Variants in CHPT1 observed in about 807,000 individuals in gnomAD.
CHPT1 encodes cholinephosphotransferase 1.
Under a neutral mutation model 47.6 loss-of-function variants are expected in CHPT1, and 36 were observed. That is an observed-to-expected ratio of 0.76 (90% CI 0.58 to 1.00). The LOEUF is 1.00. Among genes scored for constraint, CHPT1 ranks in the 50% least tolerant of loss-of-function variants. The pLI, the probability that CHPT1 is intolerant of heterozygous loss-of-function variation, is 0.00. For synonymous variants in CHPT1, 194 were observed against 186.3 expected (o/e 1.04, Z -0.33); for missense variants, 458 against 498.1 (o/e 0.92, Z 0.77).
At chr12:101,728,285 C>T (rs1481269263) in intron 8 of CHPT1, 2 of 152,326 alleles carry the variant, frequency 1.3e-5, no homozygotes, top group African/African-American at 4.8e-5. Context: ...TATATATAAA[C>T]CATAAGAAAT....
At chr12:101,698,165 C>G (rs1951492722) in intron 1 of CHPT1, 31 bp downstream of exon 1, 3 of 1,406,782 alleles carry the variant, frequency 2.1e-6, no homozygotes, top group South Asian at 1.5e-5. Context: ...GAGCCGGGCC[C>G]CAGATGCGCT....
At chr12:101,721,475 A>G (rs1230439835) in intron 5 of CHPT1, among the ~76,000 whole-genome samples, 1 of 152,220 alleles carries the variant, frequency 6.6e-6, no homozygotes, top group African/African-American at 2.4e-5. Context: ...ACGTGTAAGT[A>G]GACTTTCGAG....
chr12:101,719,958 A>AT, intron 4 of CHPT1, 165 bp from the exon 5 acceptor site: 11 of 427,684 alleles, frequency 2.6e-5, no homozygotes, highest in Admixed American at 4.4e-5. Context: ...AAAAAGTTAA[A>AT]AAAAAGTTTT....
Position 101,723,700 on chromosome 12 carries a change from ATT to A in CHPT1, c.940-19_940-18del, listed in dbSNP as rs1364902385. ...ACATTTAAAACTTAATAGTAAAATT[ATT>A]TTGTTTAATTTTTTTATAGGTAGCT... On this transcript the variant is annotated intron_variant, in intron 6 of 8. Transcript: ENST00000229266. The A allele has an allele frequency of 2.5e-5, 34 of 1,387,466 alleles. No individual in the cohort carries two copies. The highest frequency in any genetic ancestry group is 4.5e-5 in the African/African-American group (3 of 67,184). 85.9% of individuals were successfully genotyped at this position (1,387,466 alleles called of 1,614,324 possible).
Position 101,723,217 on chromosome 12 carries a change from T to G in CHPT1, c.830T>G (p.Leu277Arg). 6.2e-7 allele frequency: 1 copy of G among 1,612,052 alleles called. No homozygotes were observed. The highest frequency in any genetic ancestry group is 1.1e-5 in the South Asian group (1 of 90,978). Reference sequence around the variant, plus strand: ...CTCCACATAGGACTAATTATTATACTGGCAATAATGATCTATAAAAAGTCA... The same window carrying G: ...CTCCACATAGGACTAATTATTATACGGGCAATAATGATCTATAAAAAGTCA... The part of the protein sequence containing the change: ...PGLHIGLIII[L>R]AIMIYKKSAT... The change falls in exon 6 of 9, where the codon CTG (leucine) becomes CGG (arginine). Residue 277 changes from leucine to arginine, a missense_variant. Coordinates refer to ENST00000229266, the MANE Select transcript of CHPT1 (RefSeq NM_020244.3).
chr12:101,727,054 T>A (rs948943255), intron 8 of CHPT1: 7 of 152,224 alleles, frequency 4.6e-5, no homozygotes, highest in African/African-American at 1.7e-4. Flanking sequence ...CGAATCTTTA[T>A]ACTGAAGGTA....
At chr12:101,715,142 C>T (rs1300175267) in intron 3 of CHPT1, 1 of 152,444 alleles carries the variant, frequency 6.6e-6, no homozygotes, top group African/African-American at 2.4e-5. Context: ...CTTGTAAATG[C>T]TAGTGCTAAA....
rs963657498 is a variant in CHPT1 at position 101,719,577 on chromosome 12, A to G, written c.649-546A>G. The G allele has an allele frequency of 7.0e-5, 82 of 1,169,262 alleles. No individual in the cohort carries two copies. In the East Asian group the frequency reaches 4.7e-3, roughly 67 times the overall value. The allele number at this position is 1,169,262 out of a possible 1,614,324, so 72.4% of individuals were successfully genotyped here. On this transcript the variant is annotated intron_variant, in intron 4 of 8. Coordinates refer to ENST00000229266, the MANE Select transcript of CHPT1 (RefSeq NM_020244.3). ...AACTACACAGATGTTTTGCTTGCATACACATCATGATATTTGTTACATTTA... is the reference window on the plus strand; with the variant it reads ...AACTACACAGATGTTTTGCTTGCATGCACATCATGATATTTGTTACATTTA...
chr12:101,713,276 C>G lies in CHPT1; in HGVS notation c.274-814C>G, dbSNP rs559023878. Reference sequence around the variant, plus strand: ...ACCTTCAACATTGCAGTGCTTCTCTCCCTGGCCTTTGTTAGTTTCATCTCA... The same window carrying G: ...ACCTTCAACATTGCAGTGCTTCTCTGCCTGGCCTTTGTTAGTTTCATCTCA... On this transcript the variant is annotated intron_variant, in intron 1 of 8. Coordinates refer to ENST00000229266, the MANE Select transcript of CHPT1 (RefSeq NM_020244.3). Among the ~76,000 whole-genome samples, 4 of 123,632 alleles carry G rather than the reference C, an allele frequency of 3.2e-5. 1 individual carries two copies. The highest frequency in any genetic ancestry group is 7.7e-5 in the Non-Finnish European group (4 of 51,978). 81.1% of individuals were successfully genotyped at this position (123,632 alleles called of 152,430 possible). A position where few individuals can be genotyped will look rare whatever the true frequency, so the allele number is the denominator to read the frequency against.
chr12:101,705,852 A>G (rs1951623859), intron 1 of CHPT1, among the ~76,000 whole-genome samples: 1 of 146,292 alleles, frequency 6.8e-6, no homozygotes, highest in African/African-American at 2.6e-5. Flanking sequence ...CAGCCTCCCA[A>G]GTAGCTGGGA....
At position 101,697,879 on chromosome 12, in the gene CHPT1, G is replaced by T; in HGVS notation, c.18G>T (p.Gly6=). The T allele has an allele frequency of 1.7e-6, 2 of 1,209,042 alleles. No homozygotes were observed. The highest frequency in any genetic ancestry group is 1.6e-5 in the African/African-American group (1 of 63,164). 74.9% of individuals were successfully genotyped at this position (1,209,042 alleles called of 1,614,324 possible). ...AGGCGGCCATGGCGGCAGGCGCCGGGGCCGGGTCCGCGCCGCGCTGGCTGA... is the reference window on the plus strand; with the variant it reads ...AGGCGGCCATGGCGGCAGGCGCCGGTGCCGGGTCCGCGCCGCGCTGGCTGA... MAAGA[G]AGSAPRWLRA... Residue 6 remains glycine, a synonymous_variant, in exon 1 of 9, where the codon GGG becomes GGT. Coordinates refer to ENST00000229266, the MANE Select transcript of CHPT1 (RefSeq NM_020244.3).
At chr12:101,720,054 GTTTC>G in intron 4 of CHPT1, 65 bp from the exon 5 acceptor site, 5 of 1,068,214 alleles carry the variant, frequency 4.7e-6, no homozygotes, top group Non-Finnish European at 6.7e-6. Flanking sequence ...TTATCATTAT[GTTTC>G]TTTATTATTT....
At chr12:101,728,812 G>A in intron 8 of CHPT1, 89 bp from the exon 9 acceptor site, 1 of 1,483,844 alleles carries the variant, frequency 6.7e-7, no homozygotes, top group Non-Finnish European at 9.3e-7. Flanking sequence ...AATGAAACAG[G>A]TTTATGATTA....
rs1038244796 is a variant in CHPT1 at position 101,698,142 on chromosome 12, T to G, written c.273+8T>G. 1.3e-5 allele frequency: 19 copies of G among 1,486,602 alleles called. No individual in the cohort carries two copies. Among genetic ancestry groups the G allele is most frequent in the Non-Finnish European group, 1.6e-5 (18 of 1,121,814 alleles). 92.1% of individuals were successfully genotyped at this position (1,486,602 alleles called of 1,614,324 possible). Reference sequence around the variant, plus strand: ...CCCACGGCCACCGAAGAGGTAGGGCTGGCCGATCGCCCGAGCCGGGCCCCA... The same window carrying G: ...CCCACGGCCACCGAAGAGGTAGGGCGGGCCGATCGCCCGAGCCGGGCCCCA... On this transcript the variant is annotated splice_region_variant and intron_variant, in intron 1 of 8. Coordinates refer to ENST00000229266, the MANE Select transcript of CHPT1 (RefSeq NM_020244.3).
chr12:101,723,086 C>T, intron 5 of CHPT1, 82 bp from the exon 6 acceptor site: 11 of 1,323,624 alleles, frequency 8.3e-6, no homozygotes, highest in Non-Finnish European at 1.2e-5. Context: ...GCCTCTTGCA[C>T]AAAATAGATG....
chr12:101,701,165 A>G (rs1253050195), intron 1 of CHPT1, among the ~76,000 whole-genome samples: 1 of 152,226 alleles, frequency 6.6e-6, no homozygotes, highest in African/African-American at 2.4e-5. Context: ...ATTTCCAATA[A>G]GGAACTTTGT....
At chr12:101,701,026 T>C (rs1469469686) in intron 1 of CHPT1, among the ~76,000 whole-genome samples, 1 of 152,210 alleles carries the variant, frequency 6.6e-6, no homozygotes, top group Non-Finnish European at 1.5e-5. Flanking sequence ...ACTGAGTGCA[T>C]GAATAATAAC....
At chr12:101,703,042 T>TA (rs1174484292) in intron 1 of CHPT1, among the ~76,000 whole-genome samples, 1 of 152,210 alleles carries the variant, frequency 6.6e-6, no homozygotes, top group Non-Finnish European at 1.5e-5. Flanking sequence ...TCCTAACGAA[T>TA]AAAACTGTTT....
At chr12:101,724,667 G>A (rs1294398803) in intron 7 of CHPT1, among the ~76,000 whole-genome samples, 1 of 152,104 alleles carries the variant, frequency 6.6e-6, no homozygotes, top group Non-Finnish European at 1.5e-5. Context: ...TGAGGATAGT[G>A]TATAATTTGT....
Sources: allele counts gnomAD v4.1 joint callset (sites outside exome capture counted in the v4.1 genomes callset), GRCh38; gene constraint gnomAD v4.1.1; transcripts MANE v1.5; gene names NCBI Gene and HGNC (gene_info 2026-07-23, HGNC 2026-07-21).